The following ACAD10 variants were observed in gnomAD, a reference collection of about 807,000 sequenced individuals.
The protein encoded by ACAD10 is acyl-CoA dehydrogenase family member 10, also known as ACAD-10.
Under a neutral mutation model 116.8 loss-of-function variants are expected in ACAD10, and 112 were observed. The observed-to-expected ratio is 0.96, with a 90% confidence interval of 0.82 to 1.12. The LOEUF (loss-of-function observed/expected upper bound fraction) is 1.12. Among genes scored for constraint, ACAD10 ranks in the 50% most tolerant of loss-of-function variants. The pLI, the probability that ACAD10 is intolerant of heterozygous loss-of-function variation, is 0.00. For missense variants in ACAD10, 1,259 were observed against 1,350.2 expected (o/e 0.93, Z 1.06); for synonymous variants, 486 against 510.6 (o/e 0.95, Z 0.65).
intron 3 of ACAD10, 118 bp from the exon 4 acceptor site, chr12:111,705,619 TG>T: frequency 1.1e-6 from 1 of 891,242 alleles, no homozygotes; most frequent in Non-Finnish European, 1.7e-6. Context: ...GCTATGAGCC[TG>T]GGCTCTTGTA....
At chr12:111,690,780 C>CAAAAAAAAAAAAAAA (rs540935938) in intron 1 of ACAD10, among the ~76,000 whole-genome samples, 3 of 63,552 alleles carry the variant, frequency 4.7e-5, no homozygotes, top group African/African-American at 1.6e-4. Flanking sequence ...GTGAGACTCT[C>CAAAAAAAAAAAAAAA]AAAAAAAAAA....
At chr12:111,747,505 A>G in intron 16 of ACAD10, 120 bp downstream of exon 16, 1 of 1,541,300 alleles carries the variant, frequency 6.5e-7, no homozygotes, top group Non-Finnish European at 8.8e-7. Flanking sequence ...AGATTCTGTC[A>G]CTTAGCGCCC....
intron 2 of ACAD10, among the ~76,000 whole-genome samples, chr12:111,695,226 G>A (rs761848382): frequency 6.6e-6 from 1 of 152,148 alleles, no homozygotes; most frequent in Non-Finnish European, 1.5e-5. Context: ...TTGCATGTTT[G>A]TGCCTTTGCA....
chr12:111,727,763 C>G (rs1889260602), intron 8 of ACAD10, among the ~76,000 whole-genome samples, 199 bp from the exon 9 acceptor site: 1 of 151,866 alleles, frequency 6.6e-6, no homozygotes, highest in African/African-American at 2.4e-5. Context: ...GTATGTGGAT[C>G]GATCCATTGC....
chr12:111,702,403 A>G (rs1888372978), intron 3 of ACAD10, 93 bp downstream of exon 3: 1 of 1,492,142 alleles, frequency 6.7e-7, no homozygotes, highest in Admixed American at 2.0e-5. Flanking sequence ...AACTGAAAAT[A>G]AAGTGAAACC....
intron 12 of ACAD10, among the ~76,000 whole-genome samples, chr12:111,743,030 G>A (rs953802651): frequency 6.6e-6 from 1 of 152,162 alleles, no homozygotes; most frequent in South Asian, 2.1e-4. Flanking sequence ...TTTAAAAAAA[G>A]AAAATGGCTG....
chr12:111,715,227 C>T (rs1183299564), intron 6 of ACAD10, among the ~76,000 whole-genome samples: 4 of 152,210 alleles, frequency 2.6e-5, no homozygotes, highest in Non-Finnish European at 4.4e-5. Flanking sequence ...CAGTCTATAC[C>T]CAGGGTTCAG....
At chr12:111,723,421 G>A (rs1889097562) in intron 8 of ACAD10, among the ~76,000 whole-genome samples, 4 of 127,220 alleles carry the variant, frequency 3.1e-5, no homozygotes, top group Admixed American at 7.7e-5. Context: ...GCGGGGGGCT[G>A]ACCCCCCCGC....
At chr12:111,700,858 A>C (rs1322589341) in intron 2 of ACAD10, among the ~76,000 whole-genome samples, 1 of 150,332 alleles carries the variant, frequency 6.7e-6, no homozygotes, top group Non-Finnish European at 1.5e-5. Context: ...TCCTGGGCTT[A>C]AGCGATCCTT....
intron 7 of ACAD10, among the ~76,000 whole-genome samples, chr12:111,717,800 T>C (rs1888887354): frequency 6.6e-6 from 1 of 152,072 alleles, no homozygotes; most frequent in Admixed American, 6.6e-5. Context: ...CCTCCCACCT[T>C]GGCCTCCCAA....
At chr12:111,708,392 C>T (rs996324576) in intron 4 of ACAD10, among the ~76,000 whole-genome samples, 21 of 152,134 alleles carry the variant, frequency 1.4e-4, no homozygotes, top group Non-Finnish European at 1.3e-4. Flanking sequence ...CCATCTGGTA[C>T]GTTACATCGA....
intron 18 of ACAD10, among the ~76,000 whole-genome samples, chr12:111,751,927 G>A (rs1035257141): frequency 6.9e-5 from 10 of 145,514 alleles, no homozygotes; most frequent in East Asian, 2.1e-4. Flanking sequence ...ACGTGGTGGC[G>A]CATGCCTGTA....
Position 111,756,860 on chromosome 12 carries a change from G to A in ACAD10, c.*387G>A, listed in dbSNP as rs1322779189. The A allele has an allele frequency of 4.3e-6, 2 of 461,924 alleles. No homozygotes were observed. The highest frequency in any genetic ancestry group is 8.7e-6 in the Non-Finnish European group (2 of 230,986). The allele number at this position is 461,924 out of a possible 1,614,324, so 28.6% of individuals were successfully genotyped here. A position where few individuals can be genotyped will look rare whatever the true frequency, so the allele number is the denominator to read the frequency against. ...CCTCCCAAGGCTGTGGGACGTGCTT[G>A]CTCTGGCAGCTGCAGGGTTCCTGTC... On this transcript the variant is annotated 3_prime_UTR_variant, in exon 21 of 21. Coordinates refer to ENST00000313698, the MANE Select transcript of ACAD10 (RefSeq NM_025247.6).
intron 18 of ACAD10, chr12:111,749,648 TG>T: frequency 3.0e-6 from 1 of 338,470 alleles, no homozygotes; most frequent in South Asian, 6.3e-5. Flanking sequence ...AAAATCAGTC[TG>T]GGTGCAATGG....
In ACAD10 at chr12:111,728,089, A is replaced by G. The variant is rs777516851; in HGVS notation, c.1189A>G (p.Lys397Glu). 2.5e-6 allele frequency: 4 copies of G among 1,613,524 alleles called. No homozygotes were observed. Among genetic ancestry groups the G allele is most frequent in the Non-Finnish European group, 3.4e-6 (4 of 1,179,780 alleles). ...CACTGCCATGAACACAGTCCTGTGC[A>G]AAATTCACAGTGTGGATCTGCAGGC... ...IYTAMNTVLC[K>E]IHSVDLQAVG... The change falls in exon 9 of 21, where the codon AAA becomes GAA. Residue 397 changes from lysine (K) to glutamate (E), a missense_variant. Coordinates refer to ENST00000313698, the MANE Select transcript of ACAD10 (RefSeq NM_025247.6).
chr12:111,706,133 G>A (rs1485416304), intron 4 of ACAD10, among the ~76,000 whole-genome samples: 1 of 152,180 alleles, frequency 6.6e-6, no homozygotes, highest in East Asian at 1.9e-4. Flanking sequence ...AGACATTTAT[G>A]GCATTTGATT....
chr12:111,726,155 G>A (rs1262352124), intron 8 of ACAD10, among the ~76,000 whole-genome samples: 11 of 152,114 alleles, frequency 7.2e-5, no homozygotes, highest in Non-Finnish European at 1.6e-4. Flanking sequence ...TTTGGAGGCT[G>A]AAGCAGGAGA....
chr12:111,730,791 G>A (rs1329061415), intron 10 of ACAD10, among the ~76,000 whole-genome samples: 5 of 147,472 alleles, frequency 3.4e-5, no homozygotes, highest in Admixed American at 6.8e-5. Context: ...TCACTCAGTC[G>A]CCCAGGCTGG....
At chr12:111,735,495 G>A (rs1889521969) in intron 11 of ACAD10, among the ~76,000 whole-genome samples, 1 of 149,094 alleles carries the variant, frequency 6.7e-6, no homozygotes, top group South Asian at 2.1e-4. Flanking sequence ...TCGCTCTGTT[G>A]CCCAGGCTAG....
Sources: allele counts gnomAD v4.1 joint callset (sites outside exome capture counted in the v4.1 genomes callset), GRCh38; gene constraint gnomAD v4.1.1; transcripts MANE v1.5; gene names NCBI Gene and HGNC (gene_info 2026-07-23, HGNC 2026-07-21).